TRAP1: variants seen among roughly 807,000 people sequenced by gnomAD.
The protein encoded by TRAP1 is TNF receptor associated protein 1.
In TRAP1, 102 loss-of-function variants were observed where a neutral mutation model predicts 89.1. The observed-to-expected ratio is 1.15, with a 90% CI of 0.98 to 1.35. The LOEUF (loss-of-function observed/expected upper bound fraction) is 1.35, where lower values mean the gene tolerates loss of function less well. Among genes scored for constraint, TRAP1 ranks in the 40% most tolerant of loss-of-function variants. The probability of loss-of-function intolerance (pLI) is 0.00; values close to 1 mark genes in which losing one functional copy is unlikely to be tolerated. For missense variants in TRAP1, 1,256 were observed against 945.3 expected, an observed-to-expected ratio of 1.33 and a Z score of -4.31; for synonymous variants, 508 against 388.0, an observed-to-expected ratio of 1.31 and a Z score of -3.64.
chr16:3,679,424 CTAAAGCAT>C (rs1228026877), intron 5 of TRAP1, among the ~76,000 whole-genome samples: 1 of 152,200 alleles, frequency 6.6e-6, no homozygotes, highest in East Asian at 1.9e-4. Context: ...TAGAGACCAT[CTAAAGCAT>C]ACAAGAAGAT....
chr16:3,692,980 T>C (rs1481401702), intron 1 of TRAP1, among the ~76,000 whole-genome samples: 2 of 150,548 alleles, frequency 1.3e-5, no homozygotes, highest in Admixed American at 1.3e-4. Flanking sequence ...TTTTTTGAGA[T>C]GGAGTCTCGC....
At chr16:3,671,187 C>A (rs2050908210) in intron 11 of TRAP1, among the ~76,000 whole-genome samples, 1 of 152,174 alleles carries the variant, frequency 6.6e-6, no homozygotes, top group African/African-American at 2.4e-5. Flanking sequence ...CCCTATGTGG[C>A]TGCCAATCTA....
rs2051495923 is a variant in TRAP1 at position 3,709,360 on chromosome 16, C to CT, written c.88+8060dup. Among the ~76,000 whole-genome samples the CT allele has an allele frequency of 2.0e-5, 3 of 152,198 alleles. No homozygotes were observed. In the South Asian group the frequency reaches 6.2e-4, roughly 32 times the overall value. ...CCACACTCATAACTAAGGAAATGCA[C>CT]TTTAAAACGAGATAGCATTTTCACT... On this transcript the variant is annotated intron_variant, in intron 1 of 17. Coordinates refer to ENST00000246957, the MANE Select transcript of TRAP1 (RefSeq NM_016292.3).
At chr16:3,660,961 G>C (rs1373749776) in intron 16 of TRAP1, 1 of 151,866 alleles carries the variant, frequency 6.6e-6, no homozygotes, top group African/African-American at 2.4e-5. Flanking sequence ...TTGTGGGGGG[G>C]GTGGTAAGTC....
Position 3,664,372 on chromosome 16 carries a change from G to A in TRAP1, c.1471C>T (p.Arg491Trp), listed in dbSNP as rs370076676. ...TSLSEYASRM[R>W]AGTRNIYYLC... ...TAGTAGATGTTGCGGGTGCCGGCCC[G>A]CATGCGGCTGGCGTATTCTGAGAGG... Residue 491 changes from arginine (R) to tryptophan (W), a missense_variant, in exon 13 of 18, where the codon CGG becomes TGG. Transcript: ENST00000246957. The A allele has an allele frequency of 9.9e-6, 16 of 1,612,480 alleles. No individual in the cohort carries two copies. Among genetic ancestry groups the A allele is most frequent in the Middle Eastern group, 1.6e-4 (1 of 6,072 alleles).
Position 3,666,198 on chromosome 16 carries a change from A to G in TRAP1, c.1236-80T>C, listed in dbSNP as rs895154545. 2.0e-6 allele frequency: 3 copies of G among 1,490,904 alleles called. No homozygotes were observed. The African/African-American group carries it at 4.2e-5, about 21-fold the overall frequency. 92.4% of individuals were successfully genotyped at this position (1,490,904 alleles called of 1,614,324 possible). The stretch of plus-strand genomic sequence containing the variant: ...GGCCAGAGGGTACGAAAAAATGTTC[A>G]GCCCCGCTAAGAATCAAAGAAGTGA... On this transcript the variant is annotated intron_variant, in intron 11 of 17. Coordinates refer to ENST00000246957, the MANE Select transcript of TRAP1 (RefSeq NM_016292.3).
chr16:3,710,871 A>ATTTTT (rs1289903709), intron 1 of TRAP1, among the ~76,000 whole-genome samples: 6 of 109,132 alleles, frequency 5.5e-5, no homozygotes, highest in African/African-American at 2.4e-4. Context: ...ATATATATAT[A>ATTTTT]TATATATATT....
intron 5 of TRAP1, 25 bp downstream of exon 5, chr16:3,679,694 G>A: frequency 3.1e-6 from 5 of 1,613,428 alleles, no homozygotes; most frequent in Non-Finnish European, 4.2e-6. Context: ...GGAAGGGGGA[G>A]GCTGTGTGGG....
intron 1 of TRAP1, among the ~76,000 whole-genome samples, chr16:3,702,371 A>T (rs2051377906): frequency 6.6e-6 from 1 of 151,840 alleles, no homozygotes; most frequent in South Asian, 2.1e-4. Flanking sequence ...GAGAGCCAGA[A>T]GGGGCCACTG....
rs1341069292 is a variant in TRAP1 at position 3,703,048 on chromosome 16, A to AG, written c.89-12064_89-12063insC. On this transcript the variant is annotated intron_variant, in intron 1 of 17. Coordinates refer to ENST00000246957, the MANE Select transcript of TRAP1 (RefSeq NM_016292.3). ...CAAGAGTGAAACTCCGTCTTGAAAA[A>AG]AAAAAAAAAAAAAAAAAAGCATTCA... Among the ~76,000 whole-genome samples the AG allele has an allele frequency of 5.4e-5, 8 of 147,152 alleles. No individual in the cohort carries two copies. In the East Asian group the frequency reaches 1.4e-3, roughly 25 times the overall value.
intron 1 of TRAP1, among the ~76,000 whole-genome samples, chr16:3,710,922 G>A (rs111623315): frequency 1.3e-4 from 18 of 142,320 alleles, no homozygotes; most frequent in African/African-American, 4.9e-4. Flanking sequence ...CCAGACTGTA[G>A]TGCAGTGGCG....
intron 1 of TRAP1, among the ~76,000 whole-genome samples, chr16:3,694,785 C>T (rs926565303): frequency 4.6e-5 from 7 of 152,162 alleles, no homozygotes; most frequent in Non-Finnish European, 5.9e-5. Flanking sequence ...GCCTTCAAAC[C>T]CCACAGCTTG....
intron 1 of TRAP1, among the ~76,000 whole-genome samples, chr16:3,710,847 A>ATGTG (rs989482091): frequency 2.8e-5 from 4 of 140,422 alleles, no homozygotes; most frequent in African/African-American, 1.1e-4. Context: ...TTTCTTTTAT[A>ATGTG]TGTGTGTGTG....
intron 5 of TRAP1, among the ~76,000 whole-genome samples, chr16:3,678,992 C>T (rs560659062): frequency 5.3e-5 from 8 of 152,280 alleles, no homozygotes; most frequent in South Asian, 2.1e-4. Context: ...GCTTGGGATG[C>T]GGCGTCTGTG....
In TRAP1 at chr16:3,662,037, G is replaced by T; in HGVS notation, c.1890C>A (p.Thr630=). The T allele has an allele frequency of 6.2e-7, 1 of 1,613,286 alleles. No individual in the cohort carries two copies. The highest frequency in any genetic ancestry group is 8.5e-7 in the Non-Finnish European group (1 of 1,179,954). ...GCAGGAGCTGTGCGCGCTCCTCCTGGGTCTTGGCCAGCTGCTGCATGCGCA... is the reference window on the plus strand; with the variant it reads ...GCAGGAGCTGTGCGCGCTCCTCCTGTGTCTTGGCCAGCTGCTGCATGCGCA... ...HFLRMQQLAK[T]QEERAQLLQP... The change falls in exon 16 of 18, where the codon ACC becomes ACA. Residue 630 remains threonine, a synonymous_variant. Coordinates refer to ENST00000246957, the MANE Select transcript of TRAP1 (RefSeq NM_016292.3).
intron 4 of TRAP1, among the ~76,000 whole-genome samples, chr16:3,682,682 C>T (rs1303191361): frequency 6.6e-6 from 1 of 152,096 alleles, no homozygotes; most frequent in Non-Finnish European, 1.5e-5. Flanking sequence ...CGTGAGCCAC[C>T]ATGCCTGGCA....
chr16:3,675,127 G>A (rs536141028), intron 8 of TRAP1, among the ~76,000 whole-genome samples, 197 bp downstream of exon 8: 12 of 152,270 alleles, frequency 7.9e-5, no homozygotes, highest in Admixed American at 2.6e-4. Context: ...CCCTGACCCC[G>A]GCTGCCCGGT....
chr16:3,662,808 C>G (rs1365577119), intron 15 of TRAP1, 74 bp downstream of exon 15: 2 of 1,465,028 alleles, frequency 1.4e-6, no homozygotes, highest in Non-Finnish European at 1.9e-6. Flanking sequence ...GGGCCAGGTA[C>G]TGGGAGCCAC....
intron 11 of TRAP1, among the ~76,000 whole-genome samples, chr16:3,669,360 G>A (rs925189662): frequency 5.9e-5 from 9 of 152,284 alleles, no homozygotes; most frequent in Non-Finnish European, 1.0e-4. Flanking sequence ...GCAGCAAGTC[G>A]GGGTCCTGCT....
Sources: gnomAD v4.1 joint callset for allele counts (sites outside exome capture counted in the v4.1 genomes callset) on GRCh38, gnomAD v4.1.1 for gene constraint, MANE v1.5 for transcripts, NCBI Gene and HGNC (gene_info 2026-07-23, HGNC 2026-07-21) for gene names.